Variants in KDM4C observed in about 807,000 individuals in gnomAD.
KDM4C encodes lysine-specific demethylase 4C.
A neutral mutation model predicts 129.3 loss-of-function variants in KDM4C; 81 were observed. That is an observed-to-expected ratio of 0.63 (90% CI 0.52 to 0.75). The LOEUF (loss-of-function observed/expected upper bound fraction) is 0.75, where lower values mean the gene tolerates loss of function less well. KDM4C is among the 30% of genes least tolerant of loss of function. The probability of loss-of-function intolerance (pLI) is 0.00; values close to 1 mark genes in which losing one functional copy is unlikely to be tolerated. For synonymous variants in KDM4C, 573 were observed against 456.1 expected (o/e 1.26, Z -3.26); for missense variants, 1,457 against 1,304.0 (o/e 1.12, Z -1.81).
rs572743482 is a variant in KDM4C, at chr9:6,748,334, C to G, written c.49+27337C>G. 7.2e-5 allele frequency among the ~76,000 whole-genome samples: 11 copies of G among 151,816 alleles called. No homozygotes were observed. The East Asian group carries it at 1.9e-3, about 27-fold the overall frequency. ...ACCAGCCTGACCAACATGGAGAAAC[C>G]CTGTCTCTACTAAAAATACAAAATT... On this transcript the variant is annotated intron_variant, in intron 1 of 17. Coordinates refer to the KDM4C transcript ENST00000536108.
intron 1 of KDM4C, among the ~76,000 whole-genome samples, chr9:6,725,188 G>C (rs1817082407): frequency 1.3e-5 from 2 of 152,074 alleles, no homozygotes; most frequent in African/African-American, 4.8e-5. Flanking sequence ...CGAGGCCGAG[G>C]CCACTGTGAC....
intron 1 of KDM4C, among the ~76,000 whole-genome samples, chr9:6,722,856 A>G (rs1817000520): frequency 6.6e-6 from 1 of 151,856 alleles, no homozygotes; most frequent in Non-Finnish European, 1.5e-5. Flanking sequence ...AGTGGCACAC[A>G]TCTGTGGTCT....
chr9:6,887,188 C>T (rs1463356161), intron 6 of KDM4C, among the ~76,000 whole-genome samples: 1 of 152,166 alleles, frequency 6.6e-6, no homozygotes, highest in Non-Finnish European at 1.5e-5. Context: ...AGGTGTGGAG[C>T]AGTACATCAG....
chr9:6,754,050 A>T (rs1466740089), upstream of KDM4C, among the ~76,000 whole-genome samples: 1 of 149,438 alleles, frequency 6.7e-6, no homozygotes, highest in Non-Finnish European at 1.5e-5. Flanking sequence ...AATTTTTTGT[A>T]TTTTTAGTAG....
At position 6,922,097 on chromosome 9, in the gene KDM4C, G is replaced by A. The variant is rs531917237; in HGVS notation, c.921+28865G>A. ...GCACCATAACTTGTACATAGTACAC[G>A]TTCAGCAAATATTTGCTGCATGAAT... On this transcript the variant is annotated intron_variant, in intron 8 of 21. Coordinates refer to ENST00000381309, the MANE Select transcript of KDM4C (RefSeq NM_015061.6). 4.6e-5 allele frequency among the ~76,000 whole-genome samples: 7 copies of A among 152,300 alleles called. No homozygotes were observed. In the East Asian group the frequency reaches 5.8e-4, roughly 13 times the overall value.
At chr9:6,970,586 T>C (rs1831793418) in intron 8 of KDM4C, among the ~76,000 whole-genome samples, 1 of 152,182 alleles carries the variant, frequency 6.6e-6, no homozygotes, top group Admixed American at 6.5e-5. Flanking sequence ...GGCTTCATGA[T>C]TTTGCACTGT....
intron 15 of KDM4C, among the ~76,000 whole-genome samples, chr9:7,036,291 C>A (rs188519144): frequency 6.6e-6 from 1 of 152,112 alleles, no homozygotes; most frequent in Non-Finnish European, 1.5e-5. Flanking sequence ...AATAAGCCAG[C>A]TGGGTTTTTA....
chr9:6,986,837 T>C, intron 11 of KDM4C, 171 bp downstream of exon 11: 1 of 543,538 alleles, frequency 1.8e-6, no homozygotes, highest in Non-Finnish European at 3.2e-6. Flanking sequence ...TCCTGTGAGC[T>C]GTGGCTCACA....
chr9:6,980,282 C>T (rs16925051), intron 8 of KDM4C, among the ~76,000 whole-genome samples: 38,262 of 152,050 alleles, frequency 0.25, 5,225 homozygotes, highest in South Asian at 0.45. Flanking sequence ...GAATTAAAGG[C>T]ATAGTAGATT....
chr9:6,888,021 T>G lies in KDM4C; in HGVS notation c.741T>G (p.Ile247Met), dbSNP rs773209852. The G allele has an allele frequency of 1.2e-6, 2 of 1,610,244 alleles. No individual in the cohort carries two copies. Among genetic ancestry groups the G allele is most frequent in the Non-Finnish European group, 8.5e-7 (1 of 1,176,968 alleles). ...TTCTTCGCCACAAGATGACATTGATTTCTCCATCAGTATTGAAGAAATATG... is the reference window on the plus strand; with the variant it reads ...TTCTTCGCCACAAGATGACATTGATGTCTCCATCAGTATTGAAGAAATATG... The part of the protein sequence containing the change: ...DAFLRHKMTL[I>M]SPSVLKKYGI... The change falls in exon 7 of 22, where the codon ATT becomes ATG. Residue 247 changes from isoleucine to methionine, a missense_variant. Coordinates refer to ENST00000381309, the MANE Select transcript of KDM4C (RefSeq NM_015061.6).
intron 5 of KDM4C, among the ~76,000 whole-genome samples, chr9:6,866,180 C>T (rs978501044): frequency 4.6e-5 from 7 of 151,952 alleles, no homozygotes; most frequent in African/African-American, 1.7e-4. Flanking sequence ...CCACTGCACC[C>T]ATCCTTTTTT....
In KDM4C at chr9:6,949,487, G is replaced by A. The variant is rs537781249; in HGVS notation, c.922-31438G>A. 3.7e-4 allele frequency among the ~76,000 whole-genome samples: 57 copies of A among 152,354 alleles called. No individual in the cohort carries two copies. The South Asian group carries it at 4.3e-3, about 12-fold the overall frequency. On this transcript the variant is annotated intron_variant, in intron 8 of 21. Transcript: ENST00000381309. Reference sequence around the variant, plus strand: ...CTCGGCACTTTGGGAGGCCAAGGCAGGCGGCTGGGAGGTGGAGGTTGTAGC... The same window carrying A: ...CTCGGCACTTTGGGAGGCCAAGGCAAGCGGCTGGGAGGTGGAGGTTGTAGC...
intron 4 of KDM4C, among the ~76,000 whole-genome samples, chr9:6,820,035 A>C (rs1426055797): frequency 6.6e-6 from 1 of 151,968 alleles, no homozygotes; most frequent in African/African-American, 2.4e-5. Context: ...TGGGGGTGGG[A>C]GTTCTTGGAG....
intron 2 of KDM4C, among the ~76,000 whole-genome samples, chr9:6,799,158 G>C (rs532798116): frequency 5.3e-5 from 8 of 152,286 alleles, no homozygotes; most frequent in Admixed American, 2.6e-4. Flanking sequence ...CTTCCCAGAC[G>C]GGGTGGCGGC....
In KDM4C at chr9:6,932,730, A is replaced by G. The variant is rs1198703684; in HGVS notation, c.921+39498A>G. Among the ~76,000 whole-genome samples, 7 of 152,290 alleles carry G rather than the reference A, an allele frequency of 4.6e-5. No homozygotes were observed. In the East Asian group the frequency reaches 1.4e-3, roughly 29 times the overall value. On this transcript the variant is annotated intron_variant, in intron 8 of 21. Coordinates refer to ENST00000381309, the MANE Select transcript of KDM4C (RefSeq NM_015061.6). ...CTGACCCCTGGGATGATTTTGTCTC[A>G]TAAAGGACATTTGACCACGTTTAGG... is the stretch of plus-strand genomic sequence containing the variant.
Position 7,174,853 on chromosome 9 carries a change from T to C in KDM4C, c.*124T>C. The C allele has an allele frequency of 1.3e-6, 1 of 762,554 alleles. No individual in the cohort carries two copies. Among genetic ancestry groups the C allele is most frequent in the Non-Finnish European group, 2.1e-6 (1 of 472,756 alleles). The allele number at this position is 762,554 out of a possible 1,614,324, so 47.2% of individuals were successfully genotyped here. A position where few individuals can be genotyped will look rare whatever the true frequency, so the allele number is the denominator to read the frequency against. On this transcript the variant is annotated 3_prime_UTR_variant, in exon 22 of 22. Coordinates refer to ENST00000381309, the MANE Select transcript of KDM4C (RefSeq NM_015061.6). The stretch of plus-strand genomic sequence containing the variant: ...TGACAGGGTGTGTCTCTGACAGTGG[T>C]AAATCGGGTTTCCAGAGTTTGGTCA...
chr9:6,775,085 T>C, intron 1 of KDM4C, among the ~76,000 whole-genome samples: 1 of 152,076 alleles, frequency 6.6e-6, no homozygotes, highest in East Asian at 1.9e-4. Context: ...GGCACAATCT[T>C]GTCTCACTGC....
intron 17 of KDM4C, chr9:7,076,429 T>C (rs1053681735): frequency 1.2e-4 from 193 of 1,546,308 alleles, no homozygotes; most frequent in Non-Finnish European, 7.9e-6. Context: ...CATTGTGTTT[T>C]TCAGGGAAGG....
At chr9:6,849,884 C>T (rs62535664) in intron 5 of KDM4C, among the ~76,000 whole-genome samples, 184 bp downstream of exon 5, 11,127 of 152,198 alleles carry the variant, frequency 0.073, 590 homozygotes, top group Non-Finnish European at 0.11. Context: ...AAACCATAAA[C>T]CCCATGGTAA....
Sources: allele counts gnomAD v4.1 joint callset (sites outside exome capture counted in the v4.1 genomes callset), GRCh38; gene constraint gnomAD v4.1.1; transcripts MANE v1.5; gene names NCBI Gene and HGNC (gene_info 2026-07-23, HGNC 2026-07-21).